MALL: variants seen among roughly 807,000 people sequenced by gnomAD.
MALL encodes the protein mal, T cell differentiation protein like, also known as MAL-like protein.
MALL carries 2 observed loss-of-function variants against 10.3 expected under a neutral mutation model. The ratio of observed to expected loss-of-function variants is 0.19; its 90% confidence interval spans 0.08 to 0.61. MALL has a LOEUF of 0.61. MALL is among the 20% of genes least tolerant of loss of function. MALL has a pLI of 0.88. For missense variants in MALL, 39 were observed against 115.2 expected (o/e 0.34, Z 3.03); for synonymous variants, 27 against 51.8 (o/e 0.52, Z 2.05).
intron 1 of MALL, among the ~76,000 whole-genome samples, chr2:110,107,159 G>A (rs950002773): frequency 6.6e-6 from 1 of 152,148 alleles, no homozygotes; most frequent in African/African-American, 2.4e-5. Context: ...TGATGCAGTG[G>A]TGATTCCCTG....
chr2:110,098,464 G>A (rs1184280744), intron 1 of MALL, among the ~76,000 whole-genome samples: 2 of 152,172 alleles, frequency 1.3e-5, no homozygotes, highest in South Asian at 2.1e-4. Context: ...GAATCATGCC[G>A]TATTTGTCCT....
At chr2:110,095,701 A>T (rs1355430330) in intron 1 of MALL, among the ~76,000 whole-genome samples, 1 of 152,252 alleles carries the variant, frequency 6.6e-6, no homozygotes, top group East Asian at 1.9e-4. Context: ...AAAAAAAGAA[A>T]AAAAAAAGAA....
chr2:110,095,522 A>T (rs1223275073), intron 1 of MALL, among the ~76,000 whole-genome samples: 1 of 152,124 alleles, frequency 6.6e-6, no homozygotes, highest in Non-Finnish European at 1.5e-5. Context: ...TCTCTAGAAC[A>T]TGAAGAGCTC....
At chr2:110,091,324 AT>A (rs1171500152) in intron 2 of MALL, among the ~76,000 whole-genome samples, 1 of 40,704 alleles carries the variant, frequency 2.5e-5, no homozygotes, top group Non-Finnish European at 4.8e-5. Context: ...TGCTCCAAGG[AT>A]TTTACCAGGA....
chr2:110,117,622 TGTGA>T (rs772192921), upstream of MALL, among the ~76,000 whole-genome samples: 2,631 of 120,420 alleles, frequency 0.022, 24 homozygotes, highest in East Asian at 0.038. Context: ...TGTGTGTGTG[TGTGA>T]GAGAGAGAGA....
At chr2:110,112,102 A>C (rs956542569) in intron 1 of MALL, among the ~76,000 whole-genome samples, 1 of 152,210 alleles carries the variant, frequency 6.6e-6, no homozygotes, top group Non-Finnish European at 1.5e-5. Flanking sequence ...TTAAGGACTT[A>C]AACTTAAGAC....
chr2:110,100,471 C>T (rs1003051362), intron 1 of MALL, among the ~76,000 whole-genome samples: 6 of 47,424 alleles, frequency 1.3e-4, no homozygotes, highest in Non-Finnish European at 8.7e-4. Context: ...AGACTCTGTC[C>T]CCCACCCTAA....
At chr2:110,098,168 C>G (rs1436867876) in intron 1 of MALL, among the ~76,000 whole-genome samples, 1 of 151,542 alleles carries the variant, frequency 6.6e-6, no homozygotes, top group African/African-American at 2.4e-5. Flanking sequence ...TGTTTAAGTC[C>G]AGGCTCTCTT....
rs1419195088 is a variant in MALL, at chr2:110,108,752, A to C, written c.105+6936T>G. Among the ~76,000 whole-genome samples, 3 of 152,170 alleles carry C rather than the reference A, an allele frequency of 2.0e-5. No individual in the cohort carries two copies. The East Asian group carries it at 5.8e-4, about 29-fold the overall frequency. On this transcript the variant is annotated intron_variant, in intron 1 of 3. Coordinates refer to ENST00000272462, the MANE Select transcript of MALL (RefSeq NM_005434.5). ...GGCACATTGTCATCAGGTTATCCAAAGTTAAGACGAAGAAAAGGCTCTTAA... is the reference window on the plus strand; with the variant it reads ...GGCACATTGTCATCAGGTTATCCAACGTTAAGACGAAGAAAAGGCTCTTAA...
chr2:110,099,817 G>C (rs1678523631), intron 1 of MALL, among the ~76,000 whole-genome samples: 1 of 152,146 alleles, frequency 6.6e-6, no homozygotes, highest in South Asian at 2.1e-4. Flanking sequence ...CTATGAAATG[G>C]AGGAGGAGAA....
intron 1 of MALL, among the ~76,000 whole-genome samples, chr2:110,106,177 T>C (rs1039522208): frequency 3.3e-5 from 5 of 152,204 alleles, no homozygotes; most frequent in Non-Finnish European, 5.9e-5. Context: ...AGTGACAAGG[T>C]TGACAGTTAA....
At chr2:110,107,868 G>A (rs185763608) in intron 1 of MALL, among the ~76,000 whole-genome samples, 16 of 152,298 alleles carry the variant, frequency 1.1e-4, no homozygotes, top group Non-Finnish European at 2.1e-4. Context: ...ACAGTACTCT[G>A]TGCAGACAAT....
At chr2:110,096,286 C>A (rs1362747203) in intron 1 of MALL, among the ~76,000 whole-genome samples, 1 of 152,130 alleles carries the variant, frequency 6.6e-6, no homozygotes, top group Non-Finnish European at 1.5e-5. Flanking sequence ...TCTACTCTCA[C>A]CTCCAGTCCA....
At chr2:110,109,870 C>G (rs1678767003) in intron 1 of MALL, among the ~76,000 whole-genome samples, 1 of 152,110 alleles carries the variant, frequency 6.6e-6, no homozygotes, top group African/African-American at 2.4e-5. Flanking sequence ...ATATCAAGCA[C>G]TCTGTCAGAC....
Position 110,111,810 on chromosome 2 carries a change from T to C in MALL, c.105+3878A>G, listed in dbSNP as rs1678808210. Among the ~76,000 whole-genome samples the C allele has an allele frequency of 2.0e-5, 3 of 152,078 alleles. No homozygotes were observed. In the South Asian group the frequency reaches 6.2e-4, roughly 31 times the overall value. ...AGCAAAAAGAACAAATCTGGAGGCA[T>C]CACACTACCTGATTTCAAACTATAC... is the stretch of plus-strand genomic sequence containing the variant. On this transcript the variant is annotated intron_variant, in intron 1 of 3. Transcript: ENST00000272462.
chr2:110,101,836 A>G (rs1678569984), intron 1 of MALL, among the ~76,000 whole-genome samples: 1 of 151,270 alleles, frequency 6.6e-6, no homozygotes, highest in Admixed American at 6.6e-5. Context: ...CTTGTCTCTT[A>G]AAAAAAAAGG....
chr2:110,102,681 G>A (rs953067455), intron 1 of MALL, among the ~76,000 whole-genome samples: 4 of 152,294 alleles, frequency 2.6e-5, no homozygotes, highest in Non-Finnish European at 4.4e-5. Flanking sequence ...GGAGACAGAC[G>A]TGTATTTGTT....
intron 1 of MALL, among the ~76,000 whole-genome samples, chr2:110,099,839 G>A (rs1678524299): frequency 6.6e-6 from 1 of 152,132 alleles, no homozygotes; most frequent in Non-Finnish European, 1.5e-5. Flanking sequence ...GAGGAAAGGA[G>A]CCTGCATCCC....
At chr2:110,109,166 C>T (rs556351913) in intron 1 of MALL, among the ~76,000 whole-genome samples, 4 of 152,124 alleles carry the variant, frequency 2.6e-5, no homozygotes, top group African/African-American at 9.6e-5. Flanking sequence ...AGTAGACAGG[C>T]AACAAAGAGC....
Sources: allele counts gnomAD v4.1 joint callset (sites outside exome capture counted in the v4.1 genomes callset), GRCh38; gene constraint gnomAD v4.1.1; transcripts MANE v1.5; gene names NCBI Gene and HGNC (gene_info 2026-07-23, HGNC 2026-07-21).